The following DMBT1 variants were observed in gnomAD, a reference collection of about 807,000 sequenced individuals.
DMBT1 encodes deleted in malignant brain tumors 1.
DMBT1 carries 198 observed loss-of-function variants against 252.9 expected under a neutral mutation model. That is an observed-to-expected ratio of 0.78 (90% CI 0.70 to 0.88). DMBT1 has a LOEUF of 0.88. Among genes scored for constraint, DMBT1 ranks in the 40% least tolerant of loss-of-function variants. DMBT1 has a pLI of 0.00. For synonymous variants in DMBT1, 990 were observed against 942.7 expected (o/e 1.05, Z -0.92); for missense variants, 2,432 against 2,404.7 (o/e 1.01, Z -0.24).
At chr10:122,591,342 C>A in intron 18 of DMBT1, 137 bp from the exon 19 acceptor site, 2 of 1,013,540 alleles carry the variant, frequency 2.0e-6, no homozygotes, top group Non-Finnish European at 3.1e-6. Context: ...CAGACTTGGG[C>A]AGACACATGG....
chr10:122,641,749 A>G (rs1844567124), intron 55 of DMBT1, among the ~76,000 whole-genome samples: 1 of 152,172 alleles, frequency 6.6e-6, no homozygotes, highest in East Asian at 1.9e-4. Context: ...CTATATGACA[A>G]TGCAATTTGC....
At chr10:122,621,449 A>G (rs1565904848) in intron 44 of DMBT1, 69 bp downstream of exon 44, 16 of 1,603,666 alleles carry the variant, frequency 1.0e-5, no homozygotes, top group Non-Finnish European at 1.3e-5. Context: ...TCCTAATTAC[A>G]TTCTGATCTC....
At chr10:122,628,869 T>G (rs1012593490) in intron 46 of DMBT1, among the ~76,000 whole-genome samples, 7 of 152,156 alleles carry the variant, frequency 4.6e-5, no homozygotes, top group African/African-American at 9.7e-5. Context: ...ACAGGGTTTC[T>G]TTTTGGGGTG....
At chr10:122,573,241 C>T (rs1591195344) in intron 5 of DMBT1, among the ~76,000 whole-genome samples, 3 of 152,224 alleles carry the variant, frequency 2.0e-5, no homozygotes, top group South Asian at 4.1e-4. Flanking sequence ...GGGGCATCGT[C>T]CTCCATGCAG....
At chr10:122,626,633 T>G (rs1021448529) in intron 46 of DMBT1, among the ~76,000 whole-genome samples, 1 of 152,190 alleles carries the variant, frequency 6.6e-6, no homozygotes, top group African/African-American at 2.4e-5. Context: ...GATCTTGCTG[T>G]GTGTATGGTC....
Position 122,643,398 on chromosome 10 carries a change from G to C in DMBT1, c.7629G>C (p.Ter2543TyrextTer32). ...CACGCCGAGAAGAGGAGCCTCGGTA[G>C]GTGGTCGCTCTCAGACCCCACTGTC... Reference protein sequence around the residue: ...TPPRREEEPR* With the variant: ...TPPRREEEPRY Residue 2543 changes from the stop codon to tyrosine (Y), a stop_lost, in exon 56 of 56, where the codon TAG becomes TAC. Coordinates refer to ENST00000338354, the MANE Select transcript of DMBT1 (RefSeq NM_001377530.1). 1 of 1,610,396 alleles carries C rather than the reference G, an allele frequency of 6.2e-7. No individual in the cohort carries two copies.
At chr10:122,638,946 TC>T (rs1843994960) in intron 54 of DMBT1, among the ~76,000 whole-genome samples, 1 of 152,190 alleles carries the variant, frequency 6.6e-6, no homozygotes, top group Non-Finnish European at 1.5e-5. Flanking sequence ...ACAACTTTAT[TC>T]CCACTTAATT....
intron 5 of DMBT1, 54 bp from the exon 6 acceptor site, chr10:122,573,661 C>A: frequency 6.2e-7 from 1 of 1,605,884 alleles, no homozygotes; most frequent in Non-Finnish European, 8.5e-7. Context: ...CCTGGACCAA[C>A]CCTCCCCAAG....
intron 2 of DMBT1, among the ~76,000 whole-genome samples, chr10:122,567,104 C>T (rs2097601320): frequency 6.6e-6 from 1 of 152,216 alleles, no homozygotes; most frequent in Non-Finnish European, 1.5e-5. Context: ...GGGCCCTTGG[C>T]CTTGTTGAGG....
At position 122,617,197 on chromosome 10, in the gene DMBT1, TTCTG is replaced by T. The variant is rs565391704; in HGVS notation, c.4859-27_4859-24del. The T allele has an allele frequency of 1.8e-5, 29 of 1,604,820 alleles. 2 individuals are homozygous for T. The South Asian group carries it at 3.0e-4, about 16-fold the overall frequency. On this transcript the variant is annotated intron_variant, in intron 39 of 55. Coordinates refer to ENST00000338354, the MANE Select transcript of DMBT1 (RefSeq NM_001377530.1). ...CTGTGCCTTTTCCCTTCAAGTCTAA[TTCTG>T]TCTTTTTTCTTTGTTGCTATTTACA...
Position 122,592,592 on chromosome 10 carries a change from T to A in DMBT1, c.2497T>A (p.Ser833Thr), listed in dbSNP as rs368311443. 5 of 1,588,344 alleles carry A rather than the reference T, an allele frequency of 3.1e-6. No homozygotes were observed. The African/African-American group carries it at 6.7e-5, about 21-fold the overall frequency. The change falls in exon 20 of 56, where the codon TCA (serine) becomes ACA (threonine). Residue 833 changes from serine to threonine, a missense_variant. Around this residue, in one of 3 missense-constraint regions of DMBT1, gnomAD observed 1,264 missense variants for 1,082.2 expected, o/e 1.17. Coordinates refer to ENST00000338354, the MANE Select transcript of DMBT1 (RefSeq NM_001377530.1). ...TCATGAAGATGCTGGTGTCATCTGC[T>A]CAGGTGGGCCTCCAAGACCTTGGGC... Reference protein sequence around the residue: ...GHHEDAGVICSVSQSRPTPSP... With the variant: ...GHHEDAGVICTVSQSRPTPSP...
rs2097819676 is a variant in DMBT1, at chr10:122,588,781, CCTT to C, written c.1784-160_1784-158del. On this transcript the variant is annotated intron_variant, in intron 16 of 55. Coordinates refer to ENST00000338354, the MANE Select transcript of DMBT1 (RefSeq NM_001377530.1). ...CCAAGGAGAATAGTGTATCACCTCT[CCTT>C]CTACTGTGATGAAGCTGAACCTCTG... Among the ~76,000 whole-genome samples, 4 of 149,102 alleles carry C rather than the reference CCTT, an allele frequency of 2.7e-5. 1 individual carries two copies. In the South Asian group the frequency reaches 6.8e-4, roughly 25 times the overall value.
At chr10:122,592,937 C>A (rs985308603) in intron 20 of DMBT1, among the ~76,000 whole-genome samples, 2 of 148,688 alleles carry the variant, frequency 1.3e-5, no homozygotes, top group African/African-American at 4.9e-5. Flanking sequence ...ATAGGACAGA[C>A]AGCAAGGTAG....
chr10:122,630,300 C>A lies in DMBT1; in HGVS notation c.5835C>A (p.His1945Gln). 1 of 1,613,806 alleles carries A rather than the reference C, an allele frequency of 6.2e-7. No individual in the cohort carries two copies. The highest frequency in any genetic ancestry group is 8.5e-7 in the Non-Finnish European group (1 of 1,179,694). Residue 1945 changes from histidine to glutamine, a missense_variant, in exon 48 of 56, where the codon CAC (histidine) becomes CAA (glutamine). Physicochemically the swap from His to Gln is conservative, Grantham distance 24 (BLOSUM62 0). This residue lies in a region of DMBT1 where 1,162 missense variants were observed against 1,169.0 expected (regional missense o/e 0.99). Transcript: ENST00000338354. The part of the protein sequence containing the change: ...LGFSNLKLEA[H>Q]HNCSFDYVEI... Reference sequence around the variant, plus strand: ...TTTCTCCATACAGATTGGAGGCACACCATAACTGCAGTTTTGATTATGTTG... The same window carrying A: ...TTTCTCCATACAGATTGGAGGCACAACATAACTGCAGTTTTGATTATGTTG...
At position 122,640,213 on chromosome 10, in the gene DMBT1, C is replaced by T; in HGVS notation, c.7116C>T (p.Ile2372=). The change falls in exon 55 of 56, where the codon ATC becomes ATT. Residue 2372 remains isoleucine, a synonymous_variant. Transcript: ENST00000338354. ...CCATCCACGTTGCTAATAACACCATCCAGGTCGAGGAAGTCCAGTATGGCA... is the reference window on the plus strand; with the variant it reads ...CCATCCACGTTGCTAATAACACCATTCAGGTCGAGGAAGTCCAGTATGGCA... ...NDTIHVANNT[I]QVEEVQYGNF... is the part of the protein sequence containing the mutation. The T allele has an allele frequency of 6.2e-7, 1 of 1,614,054 alleles. No homozygotes were observed. Among genetic ancestry groups the T allele is most frequent in the Non-Finnish European group, 8.5e-7 (1 of 1,179,910 alleles).
intron 17 of DMBT1, among the ~76,000 whole-genome samples, chr10:122,589,554 G>T (rs1199531675): frequency 6.7e-6 from 1 of 148,226 alleles, no homozygotes; most frequent in Non-Finnish European, 1.5e-5. Context: ...TTGCATTTTA[G>T]TGTGGCTGGA....
At chr10:122,619,767 G>A (rs199499389) in intron 42 of DMBT1, among the ~76,000 whole-genome samples, 6 of 152,262 alleles carry the variant, frequency 3.9e-5, no homozygotes, top group Admixed American at 2.6e-4. Context: ...TGATACCTCC[G>A]TCCCTCACTC....
intron 6 of DMBT1, among the ~76,000 whole-genome samples, chr10:122,575,243 A>G (rs1159115769): frequency 6.6e-6 from 1 of 152,234 alleles, no homozygotes; most frequent in East Asian, 1.9e-4. Flanking sequence ...AGGCCTAAGC[A>G]TGGGAAAAGT....
chr10:122,599,045 C>T lies in DMBT1; in HGVS notation c.3228C>T (p.Gly1076=), dbSNP rs1351813795. The part of the protein sequence containing the change: ...ESYLWSCPHN[G]WLSHNCGHSE... ...ACCTGTGGAGCTGCCCCCACAATGG[C>T]TGGCTCTCCCACAACTGTGGCCATA... Residue 1076 remains glycine (G), a synonymous_variant, in exon 26 of 56, where the codon GGC becomes GGT. Coordinates refer to ENST00000338354, the MANE Select transcript of DMBT1 (RefSeq NM_001377530.1). 2.5e-6 allele frequency: 4 copies of T among 1,613,822 alleles called. No individual in the cohort carries two copies. The South Asian group carries it at 3.3e-5, about 13-fold the overall frequency.
Sources: gnomAD v4.1 joint callset for allele counts (sites outside exome capture counted in the v4.1 genomes callset) on GRCh38, gnomAD v4.1.1 for gene constraint, gnomAD v4.1.1 regional missense constraint, MANE v1.5 for transcripts, NCBI Gene and HGNC (gene_info 2026-07-23, HGNC 2026-07-21) for gene names.